LRRTM4: variants seen among roughly 807,000 people sequenced by gnomAD.
LRRTM4 encodes leucine rich repeat transmembrane neuronal 4.
In LRRTM4, 25 loss-of-function variants were observed where a neutral mutation model predicts 47.6. The observed-to-expected ratio is 0.53, with a 90% CI of 0.38 to 0.73. LRRTM4 has a LOEUF of 0.73. Among genes scored for constraint, LRRTM4 ranks in the 30% least tolerant of loss-of-function variants. LRRTM4 has a pLI of 0.00. For synonymous variants in LRRTM4, 311 were observed against 269.5 expected, an observed-to-expected ratio of 1.15 and a Z score of -1.51; for missense variants, 638 against 713.4, an observed-to-expected ratio of 0.89 and a Z score of 1.20.
At chr2:77,447,087 G>A (rs1222403786) in intron 3 of LRRTM4, among the ~76,000 whole-genome samples, 1 of 151,952 alleles carries the variant, frequency 6.6e-6, no homozygotes, top group Non-Finnish European at 1.5e-5. Context: ...GGTCGTTATT[G>A]CATATACAAT....
intron 3 of LRRTM4, among the ~76,000 whole-genome samples, chr2:76,766,801 C>T (rs1255468302): frequency 6.6e-6 from 1 of 152,114 alleles, no homozygotes; most frequent in African/African-American, 2.4e-5. Context: ...GGTCTACTGG[C>T]ATCTAGTGGG....
chr2:77,361,902 T>G (rs1030468276), intron 3 of LRRTM4, among the ~76,000 whole-genome samples: 1 of 152,090 alleles, frequency 6.6e-6, no homozygotes, highest in African/African-American at 2.4e-5. Flanking sequence ...CTAGCCAACA[T>G]GGTGAAACCC....
At chr2:76,810,960 C>A (rs1417535808) in intron 3 of LRRTM4, among the ~76,000 whole-genome samples, 1 of 152,012 alleles carries the variant, frequency 6.6e-6, no homozygotes, top group Non-Finnish European at 1.5e-5. Flanking sequence ...GATATTGTAA[C>A]CACTGGTTAA....
intron 3 of LRRTM4, among the ~76,000 whole-genome samples, chr2:76,953,992 AGAGAAACTACGTGCACAAGCCTG>A (rs1675582724): frequency 6.6e-6 from 1 of 151,870 alleles, no homozygotes; most frequent in African/African-American, 2.4e-5. Flanking sequence ...CCTCTTCAAC[AGAGAAACTACGTGCACAAGCCTG>A]GAGAAAAGAC....
intron 3 of LRRTM4, among the ~76,000 whole-genome samples, chr2:77,218,675 G>T (rs528478372): frequency 2.0e-5 from 3 of 152,154 alleles, no homozygotes; most frequent in African/African-American, 7.2e-5. Context: ...ATCCTTCCTT[G>T]GTGGCATTAT....
At chr2:77,389,503 T>C (rs114232370) in intron 3 of LRRTM4, among the ~76,000 whole-genome samples, 2,238 of 152,268 alleles carry the variant, frequency 0.015, 63 homozygotes, top group African/African-American at 0.051. Flanking sequence ...TATTTACTAA[T>C]AAGCACTTTG....
At chr2:77,092,256 C>T (rs971135934) in intron 3 of LRRTM4, among the ~76,000 whole-genome samples, 6 of 152,112 alleles carry the variant, frequency 3.9e-5, no homozygotes, top group African/African-American at 1.2e-4. Flanking sequence ...CCTGATACCA[C>T]ACCTGACCCC....
At chr2:77,167,552 C>G (rs1033964552) in intron 3 of LRRTM4, among the ~76,000 whole-genome samples, 4 of 152,172 alleles carry the variant, frequency 2.6e-5, no homozygotes, top group African/African-American at 9.7e-5. Context: ...GGAACCAACC[C>G]AAATGTCCAT....
At chr2:76,853,089 A>G (rs1672045920) in intron 3 of LRRTM4, among the ~76,000 whole-genome samples, 1 of 152,142 alleles carries the variant, frequency 6.6e-6, no homozygotes, top group African/African-American at 2.4e-5. Flanking sequence ...GCTATGCTGA[A>G]AAGTTTGGAC....
At chr2:77,064,845 C>A (rs1232701920) in intron 3 of LRRTM4, among the ~76,000 whole-genome samples, 3 of 152,086 alleles carry the variant, frequency 2.0e-5, no homozygotes, top group Admixed American at 1.3e-4. Context: ...GCTTTCTCTG[C>A]CTTTTCTGAT....
chr2:77,228,389 C>G (rs1674871681), intron 3 of LRRTM4, among the ~76,000 whole-genome samples: 1 of 152,116 alleles, frequency 6.6e-6, no homozygotes, highest in South Asian at 2.1e-4. Context: ...CTCCTGTAGA[C>G]TGGTCACTCA....
chr2:77,514,263 C>G (rs991912673), intron 3 of LRRTM4, among the ~76,000 whole-genome samples: 1 of 152,012 alleles, frequency 6.6e-6, no homozygotes, highest in African/African-American at 2.4e-5. Flanking sequence ...ACTGGGTCTG[C>G]TTTCCTTAGA....
chr2:77,112,637 T>A (rs1483391221), intron 3 of LRRTM4, among the ~76,000 whole-genome samples: 3 of 152,100 alleles, frequency 2.0e-5, no homozygotes, highest in African/African-American at 7.2e-5. Context: ...AATAAGCTTT[T>A]TTTTTTGAGG....
intron 3 of LRRTM4, among the ~76,000 whole-genome samples, chr2:77,429,758 G>A (rs1343857675): frequency 6.6e-6 from 1 of 152,148 alleles, no homozygotes; most frequent in East Asian, 1.9e-4. Flanking sequence ...TTTCTATTGA[G>A]ACAGGAGGAG....
chr2:76,798,657 C>T (rs1675489278), intron 3 of LRRTM4, among the ~76,000 whole-genome samples: 1 of 150,962 alleles, frequency 6.6e-6, no homozygotes, highest in Non-Finnish European at 1.5e-5. Flanking sequence ...TTAATGAATC[C>T]AGGAGCTGGT....
At chr2:77,356,847 T>C (rs1671987412) in intron 3 of LRRTM4, among the ~76,000 whole-genome samples, 1 of 152,164 alleles carries the variant, frequency 6.6e-6, no homozygotes, top group South Asian at 2.1e-4. Context: ...CAAGGGTGCG[T>C]GCTATGTTCT....
At chr2:77,140,091 C>G (rs1393213605) in intron 3 of LRRTM4, among the ~76,000 whole-genome samples, 2 of 152,150 alleles carry the variant, frequency 1.3e-5, no homozygotes, top group Non-Finnish European at 2.9e-5. Flanking sequence ...ATCAAGCTAC[C>G]AATGACTCTC....
intron 3 of LRRTM4, among the ~76,000 whole-genome samples, chr2:76,789,491 A>G (rs1486402818): frequency 6.6e-6 from 1 of 152,216 alleles, no homozygotes; most frequent in Non-Finnish European, 1.5e-5. Context: ...TGATAAATAC[A>G]TGAATTAAGA....
In LRRTM4 at chr2:77,517,636, A is replaced by C. The variant is rs1042725986; in HGVS notation, c.1551+682T>G. The C allele has an allele frequency of 1.9e-5, 19 of 982,464 alleles. No individual in the cohort carries two copies. The East Asian group carries it at 5.7e-4, about 30-fold the overall frequency. The allele number at this position is 982,464 out of a possible 1,614,324, so 60.9% of individuals were successfully genotyped here. On this transcript the variant is annotated intron_variant, in intron 3 of 3. Transcript: ENST00000409884. ...ATTAAAAAACAAACAAACAAACAAA[A>C]AAAGAAGGAAGAGAAAGGAAGGAAA... is the stretch of plus-strand genomic sequence containing the variant.
Sources: allele counts gnomAD v4.1 joint callset (sites outside exome capture counted in the v4.1 genomes callset), GRCh38; gene constraint gnomAD v4.1.1; transcripts MANE v1.5; gene names NCBI Gene and HGNC (gene_info 2026-07-23, HGNC 2026-07-21).